ZFYVE9: variants seen among roughly 807,000 people sequenced by gnomAD.
The protein encoded by ZFYVE9 is zinc finger FYVE domain-containing protein 9.
ZFYVE9 carries 43 observed loss-of-function variants against 126.7 expected under a neutral mutation model. The ratio of observed to expected loss-of-function variants is 0.34; its 90% confidence interval spans 0.27 to 0.44. The LOEUF (loss-of-function observed/expected upper bound fraction) is 0.44, where lower values mean the gene tolerates loss of function less well. Ranked by LOEUF, ZFYVE9 falls within the 20% of genes least tolerant of loss-of-function variation. The pLI is 1.00. For missense variants in ZFYVE9, 1,476 were observed against 1,697.0 expected, an observed-to-expected ratio of 0.87 and a Z score of 2.29; for synonymous variants, 521 against 597.4, an observed-to-expected ratio of 0.87 and a Z score of 1.87.
intron 1 of ZFYVE9, among the ~76,000 whole-genome samples, chr1:52,171,149 C>T (rs917720232): frequency 2.2e-4 from 33 of 151,946 alleles, no homozygotes; most frequent in African/African-American, 6.0e-4. Context: ...TGTCCCTCCC[C>T]GCTCCCCCCA....
chr1:52,243,930 A>G (rs559529491), intron 4 of ZFYVE9, among the ~76,000 whole-genome samples: 1 of 152,292 alleles, frequency 6.6e-6, no homozygotes, highest in Admixed American at 6.5e-5. Flanking sequence ...ACCCAGTACC[A>G]GTTGCCAAGG....
chr1:52,169,969 A>G (rs532477865), intron 1 of ZFYVE9, among the ~76,000 whole-genome samples: 1 of 152,344 alleles, frequency 6.6e-6, no homozygotes, highest in African/African-American at 2.4e-5. Context: ...GTGATGTAAC[A>G]GTTACATACG....
chr1:52,337,635 C>A, intron 15 of ZFYVE9, 137 bp from the exon 16 acceptor site: 1 of 870,224 alleles, frequency 1.1e-6, no homozygotes. Flanking sequence ...GTAAGAGGTT[C>A]AGCTCAAAGA....
chr1:52,204,692 A>G (rs1644956879), intron 1 of ZFYVE9, among the ~76,000 whole-genome samples: 2 of 152,054 alleles, frequency 1.3e-5, no homozygotes, highest in African/African-American at 4.8e-5. Flanking sequence ...TCGCCACTGC[A>G]CTCCAGCCTG....
chr1:52,319,549 G>A (rs970994375), intron 13 of ZFYVE9, among the ~76,000 whole-genome samples: 3 of 151,782 alleles, frequency 2.0e-5, no homozygotes, highest in African/African-American at 2.4e-5. Flanking sequence ...ACTTGAACAC[G>A]GGAGGTGGAG....
chr1:52,262,082 T>A (rs1455957590), intron 4 of ZFYVE9, among the ~76,000 whole-genome samples: 1 of 152,204 alleles, frequency 6.6e-6, no homozygotes, highest in East Asian at 1.9e-4. Context: ...AACAGAGATT[T>A]GTTACAGTCT....
rs58847260 is a variant in ZFYVE9, at chr1:52,263,753, T to TCCCC, written c.2179-8_2179-5dup. On this transcript the variant is annotated intron_variant, in intron 4 of 18. Transcript: ENST00000287727. ...ATCCCAAGTAAATTTTGTGTGTTCT[T>TCCCC]CCCCCCCCCCCCCCCACAGGTTTTC... The TCCCC allele has an allele frequency of 1.7e-5, 12 of 713,604 alleles. No individual in the cohort carries two copies. Among genetic ancestry groups the TCCCC allele is most frequent in the African/African-American group, 1.4e-4 (3 of 21,050 alleles). The allele number at this position is 713,604 out of a possible 1,614,324, so 44.2% of individuals were successfully genotyped here. A position where few individuals can be genotyped will look rare whatever the true frequency, so the allele number is the denominator to read the frequency against.
At chr1:52,277,742 T>C (rs1405316315) in intron 8 of ZFYVE9, among the ~76,000 whole-genome samples, 1 of 152,194 alleles carries the variant, frequency 6.6e-6, no homozygotes, top group Non-Finnish European at 1.5e-5. Flanking sequence ...TCTACAGTGA[T>C]TATTACGCAT....
At chr1:52,197,342 G>A (rs2124562875) in intron 1 of ZFYVE9, among the ~76,000 whole-genome samples, 1 of 152,274 alleles carries the variant, frequency 6.6e-6, no homozygotes, top group South Asian at 2.1e-4. Flanking sequence ...AGATGTATGT[G>A]TTGAGATGTG....
chr1:52,322,718 T>G (rs1296752397), intron 13 of ZFYVE9, among the ~76,000 whole-genome samples: 1 of 151,992 alleles, frequency 6.6e-6, no homozygotes, highest in Admixed American at 6.6e-5. Flanking sequence ...CTCCTCTGCT[T>G]AAAACCTTCC....
intron 13 of ZFYVE9, among the ~76,000 whole-genome samples, chr1:52,314,993 C>G (rs1218240418): frequency 6.6e-6 from 1 of 152,012 alleles, no homozygotes; most frequent in African/African-American, 2.4e-5. Flanking sequence ...ACCAACAGAC[C>G]TGTTCCACAA....
intron 15 of ZFYVE9, among the ~76,000 whole-genome samples, chr1:52,335,664 C>G (rs1646381531): frequency 2.0e-5 from 3 of 152,078 alleles, no homozygotes; most frequent in Non-Finnish European, 4.4e-5. Context: ...CCACCATACT[C>G]TGGTGTTGGA....
chr1:52,151,682 A>AT (rs1268236910), intron 1 of ZFYVE9, among the ~76,000 whole-genome samples: 3 of 151,102 alleles, frequency 2.0e-5, no homozygotes, highest in Non-Finnish European at 4.4e-5. Flanking sequence ...CACCTGGCTA[A>AT]TTTTTTGTAT....
chr1:52,290,011 A>G (rs1266976748), intron 10 of ZFYVE9, among the ~76,000 whole-genome samples: 3 of 152,184 alleles, frequency 2.0e-5, no homozygotes, highest in South Asian at 4.1e-4. Context: ...CCTCTAAGCT[A>G]TATTTACTAG....
At chr1:52,273,901 AT>A in intron 7 of ZFYVE9, among the ~76,000 whole-genome samples, 1 of 151,758 alleles carries the variant, frequency 6.6e-6, no homozygotes, top group East Asian at 1.9e-4. Flanking sequence ...ATCAAAGTTG[AT>A]TTTTTTCCCT....
rs1172624649 is a variant in ZFYVE9 at position 52,174,400 on chromosome 1, T to G, written c.-143+31997T>G. Reference sequence around the variant, plus strand: ...GTTATAATTTCTGTTCTTTTACATTTGCTGAGGAGAGCTTTACTTCCAACT... The same window carrying G: ...GTTATAATTTCTGTTCTTTTACATTGGCTGAGGAGAGCTTTACTTCCAACT... On this transcript the variant is annotated intron_variant, in intron 1 of 18. Coordinates refer to ENST00000287727, the MANE Select transcript of ZFYVE9 (RefSeq NM_004799.4). 5.3e-5 allele frequency among the ~76,000 whole-genome samples: 8 copies of G among 152,246 alleles called. No individual in the cohort carries two copies. The East Asian group carries it at 1.4e-3, about 26-fold the overall frequency.
At chr1:52,294,269 T>C (rs568394902) in intron 11 of ZFYVE9, among the ~76,000 whole-genome samples, 2 of 152,268 alleles carry the variant, frequency 1.3e-5, no homozygotes, top group African/African-American at 4.8e-5. Context: ...CTGCCACTTA[T>C]GAGCTCTGTA....
chr1:52,196,419 T>C (rs1035289037), intron 1 of ZFYVE9, among the ~76,000 whole-genome samples: 1 of 152,128 alleles, frequency 6.6e-6, no homozygotes, highest in Non-Finnish European at 1.5e-5. Flanking sequence ...GTGGATCACT[T>C]GAGGCCAGGA....
intron 13 of ZFYVE9, among the ~76,000 whole-genome samples, chr1:52,325,631 G>A (rs1456871577): frequency 6.6e-6 from 1 of 152,188 alleles, no homozygotes; most frequent in Non-Finnish European, 1.5e-5. Flanking sequence ...TTAACTCTCA[G>A]TATAGTTTTA....
Sources: allele counts gnomAD v4.1 joint callset (sites outside exome capture counted in the v4.1 genomes callset), GRCh38; gene constraint gnomAD v4.1.1; transcripts MANE v1.5; gene names NCBI Gene and HGNC (gene_info 2026-07-23, HGNC 2026-07-21).